Variants in GRAMD4 observed in about 807,000 individuals in gnomAD.
GRAMD4 encodes the protein GRAM domain-containing protein 4.
GRAMD4 carries 25 observed loss-of-function variants against 83.9 expected under a neutral mutation model. The ratio of observed to expected loss-of-function variants is 0.30; its 90% CI spans 0.22 to 0.42. GRAMD4 has a LOEUF of 0.42. Among genes scored for constraint, GRAMD4 ranks in the 10% least tolerant of loss-of-function variants. The pLI is 1.00. For missense variants in GRAMD4, 593 were observed against 788.7 expected, an observed-to-expected ratio of 0.75 and a Z score of 2.97; for synonymous variants, 336 against 320.9, an observed-to-expected ratio of 1.05 and a Z score of -0.50.
At chr22:46,674,980 T>C (rs2082573007) in intron 16 of GRAMD4, among the ~76,000 whole-genome samples, 3 of 152,214 alleles carry the variant, frequency 2.0e-5, no homozygotes, top group African/African-American at 7.2e-5. Flanking sequence ...GCGGGGATGC[T>C]GTCTTCTCTG....
chr22:46,670,399 G>C (rs1411410523), intron 13 of GRAMD4, among the ~76,000 whole-genome samples: 1 of 152,200 alleles, frequency 6.6e-6, no homozygotes, highest in Non-Finnish European at 1.5e-5. Flanking sequence ...CAATGCCCTG[G>C]AGCCCCTCTG....
intron 5 of GRAMD4, among the ~76,000 whole-genome samples, chr22:46,662,056 T>C (rs1411254448): frequency 1.3e-5 from 2 of 152,208 alleles, no homozygotes; most frequent in East Asian, 3.8e-4. Flanking sequence ...AAACCTGAAA[T>C]TTCAGTCCAT....
At chr22:46,626,262 T>A (rs950185967) in intron 1 of GRAMD4, among the ~76,000 whole-genome samples, 1 of 152,194 alleles carries the variant, frequency 6.6e-6, no homozygotes, top group African/African-American at 2.4e-5. Context: ...CCTGGTGGTG[T>A]ATGTGGCCGT....
chr22:46,657,433 C>T (rs1207604846), intron 3 of GRAMD4, among the ~76,000 whole-genome samples: 2 of 152,140 alleles, frequency 1.3e-5, no homozygotes, highest in Non-Finnish European at 2.9e-5. Flanking sequence ...GCCGGGTCCC[C>T]GTCTCTCCTG....
chr22:46,653,241 C>A (rs2748350), intron 3 of GRAMD4, among the ~76,000 whole-genome samples: 56,900 of 152,134 alleles, frequency 0.37, 10,803 homozygotes, highest in Middle Eastern at 0.48. Context: ...CCGCCCGCTG[C>A]CCCGGGAGCC....
chr22:46,669,614 C>T (rs532446694), intron 13 of GRAMD4, among the ~76,000 whole-genome samples: 74 of 149,692 alleles, frequency 4.9e-4, no homozygotes, highest in Middle Eastern at 3.4e-3. Flanking sequence ...GTCGCTCTGT[C>T]GCCCAGGCTG....
chr22:46,622,847 T>A lies in GRAMD4; in HGVS notation c.-50+2282T>A, dbSNP rs1019317456. 6.7e-6 allele frequency among the ~76,000 whole-genome samples: 1 copy of A among 148,930 alleles called. No individual in the cohort carries two copies. Among genetic ancestry groups the A allele is most frequent in the Non-Finnish European group, 1.5e-5 (1 of 67,652 alleles). Reference sequence around the variant, plus strand: ...GAATGGCGTGAACCCAGGAGGCGGATCTTGCAGTGAGCCGAGATCACGCCA... The same window carrying A: ...GAATGGCGTGAACCCAGGAGGCGGAACTTGCAGTGAGCCGAGATCACGCCA... On this transcript the variant is annotated intron_variant, in intron 1 of 18. Coordinates refer to ENST00000406902, the MANE Select transcript of GRAMD4 (RefSeq NM_015124.5). This position sits in a 1 kb window ranked among gnomAD's most constrained non-coding sequence, Gnocchi z 4.0.
chr22:46,596,876 C>A (rs981816955), intron 1 of GRAMD4, among the ~76,000 whole-genome samples: 1 of 152,170 alleles, frequency 6.6e-6, no homozygotes, highest in Non-Finnish European at 1.5e-5. Flanking sequence ...AAATAGCATT[C>A]TTTTGTCCTC....
At chr22:46,646,207 C>T (rs1208299049) in intron 3 of GRAMD4, among the ~76,000 whole-genome samples, 2 of 152,212 alleles carry the variant, frequency 1.3e-5, no homozygotes, top group Admixed American at 6.5e-5. Context: ...GCGCCAGACA[C>T]GGGTGGATTC....
At chr22:46,637,632 G>T (rs981142741) in intron 2 of GRAMD4, among the ~76,000 whole-genome samples, 8 of 152,336 alleles carry the variant, frequency 5.3e-5, no homozygotes, top group Middle Eastern at 3.4e-3. Flanking sequence ...AGAGGAGGCT[G>T]GGTAGACAGA....
At chr22:46,636,549 A>C (rs941460662) in intron 2 of GRAMD4, among the ~76,000 whole-genome samples, 1 of 152,196 alleles carries the variant, frequency 6.6e-6, no homozygotes, top group Non-Finnish European at 1.5e-5. Context: ...ATACATGTGC[A>C]AGGAGCCGTT....
chr22:46,651,640 A>C lies in GRAMD4; in HGVS notation c.284-6547A>C, dbSNP rs569116530. On this transcript the variant is annotated intron_variant, in intron 3 of 18. Transcript: ENST00000406902. ...CAAGACAGGTGCAGGGGGTCTTGGG[A>C]GAGCAGGTGCCCCGTGCTGCCATTA... is the stretch of plus-strand genomic sequence containing the variant. Among the ~76,000 whole-genome samples the C allele has an allele frequency of 8.5e-5, 13 of 152,294 alleles. No individual in the cohort carries two copies. In the East Asian group the frequency reaches 2.5e-3, roughly 29 times the overall value.
chr22:46,581,234 C>T (rs530437624), intron 1 of GRAMD4, among the ~76,000 whole-genome samples: 5 of 152,178 alleles, frequency 3.3e-5, no homozygotes, highest in Non-Finnish European at 5.9e-5. Context: ...CAGGAAGTAC[C>T]GGCCTATCAA....
chr22:46,575,979 A>C (rs956767717), upstream of GRAMD4: 2 of 152,542 alleles, frequency 1.3e-5, no homozygotes, highest in South Asian at 2.1e-4. Context: ...CTTCAGGTGC[A>C]CTTGAGCTGG....
chr22:46,679,013 C>T lies in GRAMD4; in HGVS notation c.*1762C>T. The T allele has an allele frequency of 1.0e-6, 1 of 985,726 alleles. No homozygotes were observed. Among genetic ancestry groups the T allele is most frequent in the South Asian group, 4.7e-5 (1 of 21,290 alleles). The allele number at this position is 985,726 out of a possible 1,614,324, so 61.1% of individuals were successfully genotyped here. ...CTGGCTCCTGTAGGGGACTGGCTCTCTTGGTGCACCAGGGGAGGGGGACAT... is the reference window on the plus strand; with the variant it reads ...CTGGCTCCTGTAGGGGACTGGCTCTTTTGGTGCACCAGGGGAGGGGGACAT... On this transcript the variant is annotated 3_prime_UTR_variant, in exon 19 of 19. Coordinates refer to ENST00000406902, the MANE Select transcript of GRAMD4 (RefSeq NM_015124.5).
intron 1 of GRAMD4, among the ~76,000 whole-genome samples, chr22:46,590,125 TG>T (rs1342616463): frequency 6.6e-6 from 1 of 152,208 alleles, no homozygotes; most frequent in Non-Finnish European, 1.5e-5. Context: ...AGGAGAGCCT[TG>T]GCCTGGGGGG....
At position 46,677,226 on chromosome 22, in the gene GRAMD4, C is replaced by T. The variant is rs776642534; in HGVS notation, c.1712C>T (p.Ala571Val). The T allele has an allele frequency of 8.1e-6, 13 of 1,613,350 alleles. No homozygotes were observed. The highest frequency in any genetic ancestry group is 2.2e-5 in the East Asian group (1 of 44,892). Residue 571 changes from alanine (A) to valine (V), a missense_variant, in exon 19 of 19, where the codon GCG becomes GTG. Ala to Val is a moderately conservative substitution (Grantham distance 64, BLOSUM62 0). Transcript: ENST00000406902. ...ILSQYIKITS[A>V]AASGGDS ...AGCCAGTACATCAAGATCACCTCAG[C>T]GGCAGCGTCTGGCGGGGACAGCTAG...
intron 3 of GRAMD4, among the ~76,000 whole-genome samples, chr22:46,644,387 T>C (rs2082035926): frequency 6.6e-6 from 1 of 152,224 alleles, no homozygotes; most frequent in Non-Finnish European, 1.5e-5. Flanking sequence ...CCTGTCCCTG[T>C]TCCAGGTTAC....
intron 1 of GRAMD4, among the ~76,000 whole-genome samples, chr22:46,580,821 G>T (rs1356994074): frequency 6.6e-6 from 1 of 152,120 alleles, no homozygotes; most frequent in Non-Finnish European, 1.5e-5. Flanking sequence ...CAAAAAATTA[G>T]CCGGGCGTGT....
Sources: gnomAD v4.1 joint callset for allele counts (sites outside exome capture counted in the v4.1 genomes callset) on GRCh38, gnomAD v4.1.1 for gene constraint, Gnocchi (gnomAD v3.1) non-coding constraint, MANE v1.5 for transcripts, NCBI Gene and HGNC (gene_info 2026-07-23, HGNC 2026-07-21) for gene names.